SCN9A: variants seen among roughly 807,000 people sequenced by gnomAD.
SCN9A encodes the protein sodium voltage-gated channel alpha subunit 9, also known as sodium channel protein type 9 subunit alpha.
SCN9A carries 131 observed loss-of-function variants against 187.0 expected under a neutral mutation model. That is an observed-to-expected ratio of 0.70 (90% CI 0.61 to 0.81). SCN9A has a LOEUF of 0.81. Ranked by LOEUF, SCN9A falls within the 30% of genes least tolerant of loss-of-function variation. SCN9A has a pLI of 0.00. For missense variants in SCN9A, 2,252 were observed against 2,396.6 expected (o/e 0.94, Z 1.26); for synonymous variants, 809 against 808.6 (o/e 1.00, Z -0.01).
At chr2:166,264,070 T>C (rs1225383848) in intron 17 of SCN9A, among the ~76,000 whole-genome samples, 1 of 152,104 alleles carries the variant, frequency 6.6e-6, no homozygotes, top group Admixed American at 6.6e-5. Context: ...CACAATCTTA[T>C]ATATCTAGAC....
Position 166,197,456 on chromosome 2 carries a change from C to T in SCN9A, c.*1216G>A, listed in dbSNP as rs201533413. The T allele has an allele frequency of 1.2e-4, 18 of 152,218 alleles. No individual in the cohort carries two copies. Among genetic ancestry groups the T allele is most frequent in the Admixed American group, 9.8e-4 (15 of 15,290 alleles). The allele number at this position is 152,218 out of a possible 1,614,324, so 9.4% of individuals were successfully genotyped here. ...ATTGAAGTATATCCAAAAAAGATTA[C>T]TTCCATAATTTAGGAAAGTAAGTTG... On this transcript the variant is annotated 3_prime_UTR_variant, in exon 27 of 27. Transcript: ENST00000642356.
chr2:166,285,153 T>C (rs1351102814), intron 11 of SCN9A, among the ~76,000 whole-genome samples: 1 of 152,186 alleles, frequency 6.6e-6, no homozygotes, highest in African/African-American at 2.4e-5. Context: ...GAACTTAGTA[T>C]TGCTACTGGT....
chr2:166,348,943 T>C (rs1699966921), intron 1 of SCN9A, among the ~76,000 whole-genome samples: 1 of 152,002 alleles, frequency 6.6e-6, no homozygotes. Context: ...CTGACCAACA[T>C]GGAGAAACTC....
At chr2:166,246,176 T>C (rs1021198342) in intron 18 of SCN9A, among the ~76,000 whole-genome samples, 1 of 152,026 alleles carries the variant, frequency 6.6e-6, no homozygotes, top group East Asian at 1.9e-4. Flanking sequence ...CATAGTCCTC[T>C]ACTTGGCTTA....
chr2:166,228,957 G>A lies in SCN9A; in HGVS notation c.3940C>T (p.Leu1314Phe). The A allele has an allele frequency of 1.2e-6, 2 of 1,612,796 alleles. No homozygotes were observed. The highest frequency in any genetic ancestry group is 1.1e-5 in the South Asian group (1 of 90,984). Residue 1314 changes from leucine (L) to phenylalanine (F), a missense_variant, in exon 22 of 27, where the codon CTC becomes TTC. Leu to Phe is a conservative substitution (Grantham distance 22). This residue lies in a region of SCN9A where 368 missense variants were observed against 408.6 expected (regional missense o/e 0.90). Coordinates refer to ENST00000642356, the MANE Select transcript of SCN9A (RefSeq NM_001365536.1). ...FEGMRVVVNALIGAIPSIMNV... is the reference protein window; with the variant it reads ...FEGMRVVVNAFIGAIPSIMNV... ...ATGATGGAAGGAATTGCTCCTATGA[G>A]TGCATTCACAACGACCTAGTATTCA...
At chr2:166,300,883 G>T (rs72882850) in intron 7 of SCN9A, 20,443 of 150,028 alleles carry the variant, frequency 0.14, 1,983 homozygotes, top group East Asian at 0.35. Context: ...ATAACTCAAG[G>T]GCTCTATTAT....
chr2:166,284,862 C>T lies in SCN9A; in HGVS notation c.1603-38G>A, dbSNP rs1165506056. The T allele has an allele frequency of 5.2e-6, 8 of 1,534,302 alleles. No homozygotes were observed. The South Asian group carries it at 9.9e-5, about 19-fold the overall frequency. On this transcript the variant is annotated intron_variant, in intron 11 of 26. Coordinates refer to ENST00000642356, the MANE Select transcript of SCN9A (RefSeq NM_001365536.1). Reference sequence around the variant, plus strand: ...TAAAAAAAACGTGGTTGCTGAAGCACCTACTGATAGAAGTACACTTCATAT... The same window carrying T: ...TAAAAAAAACGTGGTTGCTGAAGCATCTACTGATAGAAGTACACTTCATAT...
intron 24 of SCN9A, among the ~76,000 whole-genome samples, chr2:166,213,393 C>A (rs543944806): frequency 1.7e-4 from 25 of 147,860 alleles, no homozygotes; most frequent in African/African-American, 6.2e-4. Context: ...AGGTAAATTC[C>A]AAAAATATAC....
chr2:166,257,933 CT>C (rs1322294762), intron 17 of SCN9A, among the ~76,000 whole-genome samples: 2 of 151,352 alleles, frequency 1.3e-5, no homozygotes, highest in African/African-American at 4.8e-5. Context: ...CTTAGGCCAC[CT>C]TTAAAATTAT....
intron 1 of SCN9A, among the ~76,000 whole-genome samples, chr2:166,347,903 T>TA (rs956913105): frequency 3.0e-4 from 45 of 151,150 alleles, no homozygotes; most frequent in East Asian, 9.7e-4. Flanking sequence ...GATAAATATT[T>TA]AAAAAAAAAC....
intron 20 of SCN9A, among the ~76,000 whole-genome samples, chr2:166,237,616 G>T (rs1168699631): frequency 6.6e-6 from 1 of 151,992 alleles, no homozygotes; most frequent in Non-Finnish European, 1.5e-5. Context: ...CTTTGTATTT[G>T]TATAATGATT....
chr2:166,367,401 T>C (rs1295634541), intron 1 of SCN9A, among the ~76,000 whole-genome samples: 1 of 152,134 alleles, frequency 6.6e-6, no homozygotes, highest in Non-Finnish European at 1.5e-5. Flanking sequence ...AAGCTGGGAC[T>C]ACAGGTGCTG....
chr2:166,359,801 T>C (rs1700234049), intron 1 of SCN9A, among the ~76,000 whole-genome samples: 1 of 151,858 alleles, frequency 6.6e-6, no homozygotes, highest in African/African-American at 2.4e-5. Flanking sequence ...ATTATTAAAA[T>C]ATTGTGATTT....
At chr2:166,282,566 A>G (rs549850639) in intron 12 of SCN9A, among the ~76,000 whole-genome samples, 60 of 152,174 alleles carry the variant, frequency 3.9e-4, no homozygotes, top group Non-Finnish European at 7.5e-4. Context: ...CAGGCCAGAA[A>G]TACACACACA....
chr2:166,327,812 T>G (rs1036898804), intron 1 of SCN9A, among the ~76,000 whole-genome samples: 1 of 152,178 alleles, frequency 6.6e-6, no homozygotes, highest in Admixed American at 6.5e-5. Context: ...CCAGGCCATT[T>G]CACTAAAAGA....
In SCN9A at chr2:166,226,701, C is replaced by T. The variant is rs1694856291; in HGVS notation, c.4264G>A (p.Asp1422Asn). 5 of 1,559,070 alleles carry T rather than the reference C, an allele frequency of 3.2e-6. No individual in the cohort carries two copies. In the East Asian group the frequency reaches 1.1e-4, roughly 36 times the overall value. The change falls in exon 24 of 27, where the codon GAC (aspartate) becomes AAC (asparagine). Residue 1422 changes from aspartate to asparagine, a missense_variant. By Grantham distance (23) the Asp-to-Asn change is conservative. Transcript: ENST00000642356. ...MYAAVDSVNV[D>N]KQPKYEYSLY... is the part of the protein sequence containing the mutation. Reference sequence around the variant, plus strand: ...CTATATTCATATTTGGGCTGCTTGTCTACCTATAAAATTTACAAAAGTTAG... The same window carrying T: ...CTATATTCATATTTGGGCTGCTTGTTTACCTATAAAATTTACAAAAGTTAG...
intron 1 of SCN9A, among the ~76,000 whole-genome samples, chr2:166,327,193 C>T (rs892526018): frequency 1.3e-5 from 2 of 152,154 alleles, no homozygotes; most frequent in South Asian, 4.1e-4. Flanking sequence ...CTCACTCACT[C>T]TGTTGCCCAG....
At chr2:166,351,037 ACG>A (rs1048817313) in intron 1 of SCN9A, among the ~76,000 whole-genome samples, 2 of 152,114 alleles carry the variant, frequency 1.3e-5, no homozygotes, top group African/African-American at 4.8e-5. Context: ...ATAAGCACAG[ACG>A]CACACACAGA....
intron 20 of SCN9A, among the ~76,000 whole-genome samples, chr2:166,233,759 C>T (rs1002799925): frequency 6.6e-6 from 1 of 151,972 alleles, no homozygotes; most frequent in African/African-American, 2.4e-5. Flanking sequence ...CTTTGTAATT[C>T]CTTATTAAAT....
Sources: gnomAD v4.1 joint callset for allele counts (sites outside exome capture counted in the v4.1 genomes callset) on GRCh38, gnomAD v4.1.1 for gene constraint, gnomAD v4.1.1 regional missense constraint, MANE v1.5 for transcripts, NCBI Gene and HGNC (gene_info 2026-07-23, HGNC 2026-07-21) for gene names.